The following LRRFIP2 variants were observed in gnomAD, a reference collection of about 807,000 sequenced individuals.
LRRFIP2 encodes leucine-rich repeat flightless-interacting protein 2.
A neutral mutation model predicts 125.9 loss-of-function variants in LRRFIP2; 109 were observed. The observed-to-expected ratio is 0.87, with a 90% CI of 0.74 to 1.01. The LOEUF (loss-of-function observed/expected upper bound fraction) is 1.01. LRRFIP2 is among the 50% of genes least tolerant of loss of function. LRRFIP2 has a pLI of 0.00. For synonymous variants in LRRFIP2, 291 were observed against 293.1 expected, an observed-to-expected ratio of 0.99 and a Z score of 0.07; for missense variants, 850 against 862.3, an observed-to-expected ratio of 0.99 and a Z score of 0.18.
intron 24 of LRRFIP2, among the ~76,000 whole-genome samples, chr3:37,061,549 C>A (rs1323401535): frequency 6.6e-6 from 1 of 151,798 alleles, no homozygotes; most frequent in African/African-American, 2.4e-5. Context: ...CACCACCATG[C>A]CCGGCTAATT....
At chr3:37,155,311 CAAAA>C (rs753440551) in intron 1 of LRRFIP2, among the ~76,000 whole-genome samples, 1 of 150,216 alleles carries the variant, frequency 6.7e-6, no homozygotes, top group East Asian at 1.9e-4. Flanking sequence ...GTGAAATTGA[CAAAA>C]AAAAAGCAAT....
intron 13 of LRRFIP2, 73 bp from the exon 14 acceptor site, chr3:37,105,596 A>G: frequency 8.8e-7 from 1 of 1,138,812 alleles, no homozygotes; most frequent in South Asian, 1.3e-5. Context: ...AAGTACATTA[A>G]GGAAGGTTTT....
At chr3:37,134,626 G>C in intron 2 of LRRFIP2, 6 of 598,510 alleles carry the variant, frequency 1.0e-5, no homozygotes, top group Admixed American at 7.5e-5. Context: ...CACATACCGA[G>C]AGAGTGAGGA....
At chr3:37,080,334 T>C (rs1464400470) in intron 19 of LRRFIP2, among the ~76,000 whole-genome samples, 1 of 151,702 alleles carries the variant, frequency 6.6e-6, no homozygotes, top group African/African-American at 2.4e-5. Flanking sequence ...AGGCAGAGGT[T>C]GCAGTGAGCC....
At chr3:37,087,215 T>C (rs2093113681) in intron 18 of LRRFIP2, among the ~76,000 whole-genome samples, 1 of 152,180 alleles carries the variant, frequency 6.6e-6, no homozygotes, top group Non-Finnish European at 1.5e-5. Flanking sequence ...AAACTACGAT[T>C]AGAAACAAAT....
At chr3:37,084,181 T>TA (rs2092865498) in intron 18 of LRRFIP2, among the ~76,000 whole-genome samples, 1 of 152,202 alleles carries the variant, frequency 6.6e-6, no homozygotes, top group South Asian at 2.1e-4. Context: ...AACGCAGTGA[T>TA]ACCACAGAAT....
intron 1 of LRRFIP2, 63 bp from the exon 2 acceptor site, chr3:37,149,101 T>C: frequency 1.5e-6 from 2 of 1,371,684 alleles, no homozygotes; most frequent in Non-Finnish European, 2.0e-6. Context: ...TGCTCATTTA[T>C]ATATTCACTT....
intron 1 of LRRFIP2, chr3:37,154,648 A>G (rs1190658567): frequency 6.6e-6 from 1 of 152,250 alleles, no homozygotes; most frequent in African/African-American, 2.4e-5. Flanking sequence ...GATCTTGCAG[A>G]ATATAAACCT....
upstream of LRRFIP2, chr3:37,176,110 G>A (rs1328925734): frequency 1.3e-5 from 2 of 152,378 alleles, no homozygotes; most frequent in East Asian, 3.9e-4. Context: ...AAGGGCCGAA[G>A]AGCTGCTCGC....
At chr3:37,147,064 C>A (rs772571593) in intron 2 of LRRFIP2, among the ~76,000 whole-genome samples, 3 of 151,840 alleles carry the variant, frequency 2.0e-5, no homozygotes, top group Non-Finnish European at 4.4e-5. Flanking sequence ...CATGAACAGA[C>A]ACTTCTCAAA....
chr3:37,147,284 T>C (rs2095879466), intron 2 of LRRFIP2, among the ~76,000 whole-genome samples: 1 of 152,218 alleles, frequency 6.6e-6, no homozygotes, highest in African/African-American at 2.4e-5. Flanking sequence ...TCAACCATTG[T>C]AGAAGACAGT....
chr3:37,054,618 T>C, intron 26 of LRRFIP2, 103 bp from the exon 27 acceptor site: 1 of 760,830 alleles, frequency 1.3e-6, no homozygotes, highest in Non-Finnish European at 2.3e-6. Context: ...CCAAGTAATC[T>C]ACTAACAAGT....
chr3:37,074,278 A>C (rs565651698), intron 20 of LRRFIP2, among the ~76,000 whole-genome samples: 1 of 152,318 alleles, frequency 6.6e-6, no homozygotes, highest in East Asian at 1.9e-4. Flanking sequence ...GATCATTAAC[A>C]ATCTATGCTT....
chr3:37,159,985 T>A (rs1440351615), intron 1 of LRRFIP2, among the ~76,000 whole-genome samples: 1 of 83,790 alleles, frequency 1.2e-5, no homozygotes, highest in African/African-American at 5.2e-5. Flanking sequence ...GTAAGCCCTA[T>A]GCGCAAAAAA....
At chr3:37,138,714 G>A (rs928953094) in intron 2 of LRRFIP2, among the ~76,000 whole-genome samples, 1 of 151,986 alleles carries the variant, frequency 6.6e-6, no homozygotes, top group Non-Finnish European at 1.5e-5. Flanking sequence ...CACACACACT[G>A]GCTATAACTT....
intron 19 of LRRFIP2, among the ~76,000 whole-genome samples, chr3:37,078,849 T>C (rs2092369345): frequency 1.3e-5 from 2 of 152,128 alleles, no homozygotes; most frequent in Admixed American, 6.5e-5. Context: ...CCAGAAGTAC[T>C]TGAGAATCAA....
At chr3:37,119,472 T>C (rs1346729229) in intron 6 of LRRFIP2, among the ~76,000 whole-genome samples, 7 of 152,186 alleles carry the variant, frequency 4.6e-5, no homozygotes, top group Non-Finnish European at 8.8e-5. Context: ...TCAAATTTCC[T>C]AAGGCCACAT....
At chr3:37,069,459 A>C (rs2090765581) in intron 21 of LRRFIP2, among the ~76,000 whole-genome samples, 2 of 152,222 alleles carry the variant, frequency 1.3e-5, no homozygotes, top group Non-Finnish European at 2.9e-5. Flanking sequence ...AAGTGAAATA[A>C]ATCAGATACT....
At position 37,056,502 on chromosome 3, in the gene LRRFIP2, A is replaced by G. The variant is rs1302989473; in HGVS notation, c.1871-1337T>C. 4.0e-5 allele frequency among the ~76,000 whole-genome samples: 6 copies of G among 150,314 alleles called. No individual in the cohort carries two copies. The East Asian group carries it at 5.9e-4, about 15-fold the overall frequency. ...GGAGTCTCGCTCTGTCGCCCAGGCTAGAGTGCAGTGGCGCGATCTCGGCTC... is the reference window on the plus strand; with the variant it reads ...GGAGTCTCGCTCTGTCGCCCAGGCTGGAGTGCAGTGGCGCGATCTCGGCTC... On this transcript the variant is annotated intron_variant, in intron 25 of 27. Transcript: ENST00000336686.
Sources: gnomAD v4.1 joint callset for allele counts (sites outside exome capture counted in the v4.1 genomes callset) on GRCh38, gnomAD v4.1.1 for gene constraint, MANE v1.5 for transcripts, NCBI Gene and HGNC (gene_info 2026-07-23, HGNC 2026-07-21) for gene names.